TNKS: variants seen among roughly 807,000 people sequenced by gnomAD.
TNKS encodes poly [ADP-ribose] polymerase tankyrase-1.
Under a neutral mutation model 135.8 loss-of-function variants are expected in TNKS, and 72 were observed. That is an observed-to-expected ratio of 0.53 (90% CI 0.44 to 0.64). The LOEUF (loss-of-function observed/expected upper bound fraction) is 0.64. Ranked by LOEUF, TNKS falls within the 30% of genes least tolerant of loss-of-function variation. TNKS has a pLI of 0.00. For missense variants in TNKS, 1,769 were observed against 1,674.0 expected (o/e 1.06, Z -0.99); for synonymous variants, 849 against 649.3 (o/e 1.31, Z -4.68).
intron 1 of TNKS, among the ~76,000 whole-genome samples, chr8:9,561,953 A>T (rs1229358162): frequency 6.6e-6 from 1 of 151,974 alleles, no homozygotes; most frequent in African/African-American, 2.4e-5. Flanking sequence ...AGTAGCTGGG[A>T]TTACAGGCGC....
chr8:9,607,744 C>G (rs994395498), intron 2 of TNKS, among the ~76,000 whole-genome samples: 1 of 151,900 alleles, frequency 6.6e-6, no homozygotes, highest in Non-Finnish European at 1.5e-5. Context: ...ATTTGGGAGC[C>G]CTTTATAAGT....
At chr8:9,618,143 C>T (rs546498999) in intron 3 of TNKS, among the ~76,000 whole-genome samples, 103 of 152,166 alleles carry the variant, frequency 6.8e-4, no homozygotes, top group African/African-American at 2.2e-3. Flanking sequence ...TGTGCCGCCA[C>T]GCCTGGCTAA....
chr8:9,759,667 G>T (rs1807037921), intron 20 of TNKS, among the ~76,000 whole-genome samples: 1 of 152,118 alleles, frequency 6.6e-6, no homozygotes, highest in Non-Finnish European at 1.5e-5. Context: ...TGCACTGTAT[G>T]TATCAATCCA....
chr8:9,566,158 G>T (rs1797531481), intron 1 of TNKS: 1 of 151,988 alleles, frequency 6.6e-6, no homozygotes, highest in Admixed American at 6.6e-5. Context: ...TGGAAATTTG[G>T]TATTTTCAAA....
intron 3 of TNKS, among the ~76,000 whole-genome samples, chr8:9,664,486 C>T (rs960845134): frequency 2.6e-5 from 4 of 152,210 alleles, no homozygotes; most frequent in African/African-American, 9.7e-5. Context: ...TTTCAACATA[C>T]ATTTGGAAGG....
chr8:9,567,149 G>C (rs888731424), intron 1 of TNKS, among the ~76,000 whole-genome samples: 1 of 152,206 alleles, frequency 6.6e-6, no homozygotes, highest in East Asian at 1.9e-4. Context: ...GGAAAGTACA[G>C]TAAAAAGTAG....
At chr8:9,565,577 C>T (rs1203698311) in intron 1 of TNKS, among the ~76,000 whole-genome samples, 2 of 152,104 alleles carry the variant, frequency 1.3e-5, no homozygotes, top group Admixed American at 1.3e-4. Flanking sequence ...ATAAACTAAA[C>T]CAGCCAGGCG....
At chr8:9,724,632 TC>T (rs1313384008) in intron 12 of TNKS, among the ~76,000 whole-genome samples, 2 of 152,206 alleles carry the variant, frequency 1.3e-5, no homozygotes, top group Non-Finnish European at 2.9e-5. Flanking sequence ...AATACATTTT[TC>T]GCATTATTTC....
intron 3 of TNKS, among the ~76,000 whole-genome samples, chr8:9,670,373 A>G (rs528004038): frequency 6.6e-6 from 1 of 152,338 alleles, no homozygotes; most frequent in East Asian, 1.9e-4. Context: ...TCTTAAAATT[A>G]TCTTATTGGG....
intron 2 of TNKS, among the ~76,000 whole-genome samples, chr8:9,585,536 A>G (rs1174858740): frequency 6.6e-6 from 1 of 152,168 alleles, no homozygotes; most frequent in Non-Finnish European, 1.5e-5. Flanking sequence ...CTACAGAGGG[A>G]AAAAAATTAG....
At chr8:9,620,101 C>T (rs1222017399) in intron 3 of TNKS, among the ~76,000 whole-genome samples, 1 of 152,096 alleles carries the variant, frequency 6.6e-6, no homozygotes, top group Non-Finnish European at 1.5e-5. Flanking sequence ...AGGCAGGCGC[C>T]ACCACGCCCA....
intron 3 of TNKS, 95 bp from the exon 4 acceptor site, chr8:9,679,856 G>T (rs1370272642): frequency 2.8e-6 from 3 of 1,061,612 alleles, no homozygotes; most frequent in African/African-American, 1.6e-5. Context: ...CTCTTTTTCT[G>T]TTCTTCTCTA....
chr8:9,749,324 G>A (rs1359756511), intron 18 of TNKS, among the ~76,000 whole-genome samples: 1 of 152,120 alleles, frequency 6.6e-6, no homozygotes, highest in Non-Finnish European at 1.5e-5. Flanking sequence ...GTCATCACTG[G>A]GTCCTTAGCA....
rs1040790403 is a variant in TNKS at position 9,777,641 on chromosome 8, G to A, written c.*905G>A. Reference sequence around the variant, plus strand: ...GTGAAGGAAGAGCTGCATTAAGGAGGGTGAGGAGCGTGTGGTTCTGTATCA... The same window carrying A: ...GTGAAGGAAGAGCTGCATTAAGGAGAGTGAGGAGCGTGTGGTTCTGTATCA... On this transcript the variant is annotated 3_prime_UTR_variant, in exon 27 of 27. Transcript: ENST00000310430. The A allele has an allele frequency of 2.6e-5, 4 of 152,348 alleles. No individual in the cohort carries two copies. The highest frequency in any genetic ancestry group is 9.7e-5 in the African/African-American group (4 of 41,446). The allele number at this position is 152,348 out of a possible 1,614,324, so 9.4% of individuals were successfully genotyped here. A position where few individuals can be genotyped will look rare whatever the true frequency, so the allele number is the denominator to read the frequency against.
chr8:9,667,079 T>C (rs1270347582), intron 3 of TNKS, among the ~76,000 whole-genome samples: 1 of 152,162 alleles, frequency 6.6e-6, no homozygotes, highest in Non-Finnish European at 1.5e-5. Flanking sequence ...AATTTTTATA[T>C]GAGGGTAGTT....
At chr8:9,753,799 G>A (rs1474387800) in intron 20 of TNKS, among the ~76,000 whole-genome samples, 2 of 152,162 alleles carry the variant, frequency 1.3e-5, no homozygotes, top group East Asian at 3.8e-4. Flanking sequence ...CTTAAAGTGT[G>A]CCAAAATCTG....
chr8:9,630,788 A>T (rs1025894619), intron 3 of TNKS, among the ~76,000 whole-genome samples: 5 of 152,214 alleles, frequency 3.3e-5, no homozygotes, highest in African/African-American at 1.2e-4. Flanking sequence ...TAAATGAATG[A>T]AATAACATAT....
intron 1 of TNKS, among the ~76,000 whole-genome samples, chr8:9,565,883 A>G (rs1382570483): frequency 1.3e-5 from 2 of 152,052 alleles, no homozygotes; most frequent in Admixed American, 6.6e-5. Context: ...AATAAAAATA[A>G]AAATAAACTA....
chr8:9,754,513 C>CT (rs902241897), intron 20 of TNKS, among the ~76,000 whole-genome samples: 4 of 151,684 alleles, frequency 2.6e-5, no homozygotes. Flanking sequence ...TGCTTTCTCT[C>CT]TTTTTTTTAG....
Sources: allele counts gnomAD v4.1 joint callset (sites outside exome capture counted in the v4.1 genomes callset), GRCh38; gene constraint gnomAD v4.1.1; transcripts MANE v1.5; gene names NCBI Gene and HGNC (gene_info 2026-07-23, HGNC 2026-07-21).